NRG3: variants seen among roughly 807,000 people sequenced by gnomAD.
The protein encoded by NRG3 is neuregulin 3.
NRG3 carries 31 observed loss-of-function variants against 66.9 expected under a neutral mutation model. The ratio of observed to expected loss-of-function variants is 0.46; its 90% CI spans 0.35 to 0.63. The LOEUF is 0.63. Among genes scored for constraint, NRG3 ranks in the 20% least tolerant of loss-of-function variants. NRG3 has a pLI of 0.00. For missense variants in NRG3, 910 were observed against 878.9 expected, an observed-to-expected ratio of 1.04 and a Z score of -0.45; for synonymous variants, 393 against 359.4, an observed-to-expected ratio of 1.09 and a Z score of -1.06.
intron 1 of NRG3, among the ~76,000 whole-genome samples, chr10:82,357,549 G>A (rs549707689): frequency 9.2e-5 from 14 of 152,176 alleles, no homozygotes; most frequent in Non-Finnish European, 7.4e-5. Context: ...GGGCATTCTT[G>A]CTGGCAAGGA....
chr10:82,170,143 C>T (rs977943048), intron 1 of NRG3, among the ~76,000 whole-genome samples: 1 of 152,040 alleles, frequency 6.6e-6, no homozygotes, highest in Non-Finnish European at 1.5e-5. Context: ...CTATACTCAA[C>T]ACATTACCAG....
intron 1 of NRG3, among the ~76,000 whole-genome samples, chr10:82,345,429 G>A (rs1348581189): frequency 6.6e-6 from 1 of 151,846 alleles, no homozygotes; most frequent in African/African-American, 2.4e-5. Flanking sequence ...CTATATCTCT[G>A]TTTTGGTACC....
chr10:82,711,818 G>A (rs1591273792), intron 2 of NRG3, among the ~76,000 whole-genome samples: 2 of 152,000 alleles, frequency 1.3e-5, no homozygotes, highest in South Asian at 4.1e-4. Flanking sequence ...TCCCCATTGT[G>A]TATGTCTGTA....
chr10:82,077,010 A>G (rs1010856950), intron 1 of NRG3, among the ~76,000 whole-genome samples: 1 of 152,232 alleles, frequency 6.6e-6, no homozygotes, highest in Middle Eastern at 3.4e-3. Context: ...TTTTTGATCT[A>G]TGCTTCTATG....
intron 2 of NRG3, among the ~76,000 whole-genome samples, chr10:82,438,363 G>A (rs531437501): frequency 7.9e-5 from 12 of 152,358 alleles, no homozygotes; most frequent in African/African-American, 2.6e-4. Context: ...GGGCTGTGGG[G>A]ACAAGTCTTG....
intron 1 of NRG3, among the ~76,000 whole-genome samples, chr10:82,193,590 G>A (rs1474542719): frequency 6.6e-6 from 1 of 152,198 alleles, no homozygotes; most frequent in Non-Finnish European, 1.5e-5. Flanking sequence ...AGTTCTGGTG[G>A]AGATGAAAAG....
rs139886593 is a variant in NRG3 at position 82,839,930 on chromosome 10, C to G, written c.1028-25481C>G. ...CAAGAATGTACAGATATCTCCAATT[C>G]CAATTCAGTGTTACAGTATTCATTC... On this transcript the variant is annotated intron_variant, in intron 3 of 8. Transcript: ENST00000372141. Among the ~76,000 whole-genome samples, 171 of 152,142 alleles carry G rather than the reference C, an allele frequency of 1.1e-3. 2 individuals carry two copies. Among genetic ancestry groups the G allele is most frequent in the Middle Eastern group, 6.8e-3 (2 of 292 alleles).
chr10:82,722,876 A>T (rs1214228065), intron 2 of NRG3, among the ~76,000 whole-genome samples: 1 of 152,240 alleles, frequency 6.6e-6, no homozygotes, highest in Non-Finnish European at 1.5e-5. Flanking sequence ...ATAATAGTAT[A>T]GTTAAGAAAC....
intron 2 of NRG3, among the ~76,000 whole-genome samples, chr10:82,368,014 ATAAGT>A (rs1305992349): frequency 6.6e-6 from 1 of 152,168 alleles, no homozygotes; most frequent in Non-Finnish European, 1.5e-5. Flanking sequence ...AAATAAATAA[ATAAGT>A]AAATAAATAA....
chr10:82,721,545 T>G (rs369384984), intron 2 of NRG3, among the ~76,000 whole-genome samples: 1 of 152,046 alleles, frequency 6.6e-6, no homozygotes, highest in Non-Finnish European at 1.5e-5. Flanking sequence ...GCCTCAGCCT[T>G]TCGAGTAGCT....
intron 4 of NRG3, among the ~76,000 whole-genome samples, chr10:82,897,733 T>A (rs1311326491): frequency 6.6e-6 from 1 of 152,130 alleles, no homozygotes; most frequent in Non-Finnish European, 1.5e-5. Flanking sequence ...TTGGCCAGAC[T>A]GGTCTCGAAC....
Position 82,594,934 on chromosome 10 carries a change from G to A in NRG3, c.954-143643G>A, listed in dbSNP as rs148188216. Among the ~76,000 whole-genome samples the A allele has an allele frequency of 3.0e-4, 45 of 151,808 alleles. No homozygotes were observed. The East Asian group carries it at 7.7e-3, about 26-fold the overall frequency. ...TGTCTTTGACAATAGAAGAATGATT[G>A]TATGAAATGAATATCCAATTTATTT... On this transcript the variant is annotated intron_variant, in intron 2 of 8. Transcript: ENST00000372141.
intron 2 of NRG3, among the ~76,000 whole-genome samples, chr10:82,503,034 A>G (rs1345857587): frequency 2.0e-5 from 3 of 152,040 alleles, no homozygotes; most frequent in Non-Finnish European, 2.9e-5. Flanking sequence ...GAGTTATTAA[A>G]CGGTGCTTCT....
chr10:82,679,347 C>CA (rs1006062380), intron 2 of NRG3, among the ~76,000 whole-genome samples: 18 of 152,004 alleles, frequency 1.2e-4, no homozygotes, highest in African/African-American at 1.7e-4. Flanking sequence ...AAATTCCATA[C>CA]AAAAAACAAG....
intron 2 of NRG3, among the ~76,000 whole-genome samples, chr10:82,524,332 G>A (rs1846477754): frequency 6.6e-6 from 1 of 151,962 alleles, no homozygotes; most frequent in South Asian, 2.1e-4. Context: ...GGTAATTTAT[G>A]TAAAAATATA....
At chr10:82,392,380 T>C (rs2086440019) in intron 2 of NRG3, among the ~76,000 whole-genome samples, 1 of 152,178 alleles carries the variant, frequency 6.6e-6, no homozygotes, top group African/African-American at 2.4e-5. Flanking sequence ...CCAGGAAATA[T>C]ATAGACAGTT....
intron 2 of NRG3, among the ~76,000 whole-genome samples, chr10:82,728,426 G>C (rs888859720): frequency 6.6e-6 from 1 of 152,144 alleles, no homozygotes; most frequent in Non-Finnish European, 1.5e-5. Context: ...AGATCCGATG[G>C]TTTAAAAATG....
At chr10:82,152,147 A>G (rs1038529428) in intron 1 of NRG3, among the ~76,000 whole-genome samples, 2 of 152,184 alleles carry the variant, frequency 1.3e-5, no homozygotes, top group African/African-American at 2.4e-5. Context: ...GAAAGCAGCC[A>G]CAGACATATG....
intron 6 of NRG3, among the ~76,000 whole-genome samples, chr10:82,969,056 C>A (rs1003973137): frequency 6.6e-6 from 1 of 152,180 alleles, no homozygotes; most frequent in Non-Finnish European, 1.5e-5. Context: ...TTATCTCCCA[C>A]CAGGTCCCTC....
Sources: allele counts gnomAD v4.1 joint callset (sites outside exome capture counted in the v4.1 genomes callset), GRCh38; gene constraint gnomAD v4.1.1; transcripts MANE v1.5; gene names NCBI Gene and HGNC (gene_info 2026-07-23, HGNC 2026-07-21).